The following SH3D19 variants were observed in gnomAD, a reference collection of about 807,000 sequenced individuals.
The protein encoded by SH3D19 is SH3 domain containing 19, also known as SH3 domain-containing protein 19.
SH3D19 carries 58 observed loss-of-function variants against 112.1 expected under a neutral mutation model. The ratio of observed to expected loss-of-function variants is 0.52; its 90% CI spans 0.42 to 0.64. The LOEUF is 0.64. SH3D19 is among the 30% of genes least tolerant of loss of function. The pLI is 0.00. For missense variants in SH3D19, 1,090 were observed against 1,263.4 expected, an observed-to-expected ratio of 0.86 and a Z score of 2.08; for synonymous variants, 391 against 448.5, an observed-to-expected ratio of 0.87 and a Z score of 1.62.
intron 1 of SH3D19, among the ~76,000 whole-genome samples, chr4:151,261,874 G>A (rs78929113): frequency 0.037 from 5,627 of 152,168 alleles, 316 homozygotes; most frequent in African/African-American, 0.13. Flanking sequence ...GTGGGTAGGT[G>A]GATAGGGGAA....
intron 2 of SH3D19, among the ~76,000 whole-genome samples, chr4:151,198,749 T>TA (rs1383855739): frequency 2.0e-5 from 3 of 152,014 alleles, no homozygotes; most frequent in Non-Finnish European, 2.9e-5. Flanking sequence ...AATTACCAAT[T>TA]AAAAAAACAT....
chr4:151,145,346 C>G (rs1452266460), intron 11 of SH3D19, among the ~76,000 whole-genome samples: 2 of 152,126 alleles, frequency 1.3e-5, no homozygotes, highest in Non-Finnish European at 2.9e-5. Context: ...GCTGAAGAAC[C>G]ACAAAAGATG....
In SH3D19 at chr4:151,175,479, T is replaced by C; in HGVS notation, c.725A>G (p.His242Arg). 2 of 1,481,354 alleles carry C rather than the reference T, an allele frequency of 1.4e-6. No homozygotes were observed. The highest frequency in any genetic ancestry group is 1.8e-6 in the Non-Finnish European group (2 of 1,120,350). 91.8% of individuals were successfully genotyped at this position (1,481,354 alleles called of 1,614,324 possible). Residue 242 changes from histidine to arginine, a missense_variant, in exon 7 of 20, where the codon CAC becomes CGC. His to Arg is a conservative substitution (Grantham distance 29). Coordinates refer to ENST00000604030, the MANE Select transcript of SH3D19 (RefSeq NM_001378122.1). ...TTTCTGTTGACTTTGCTCTTTAATG[T>C]GAGAATCTCTGGGTATTGGTCTGAG... ...SNLRPIPRDS[H>R]IKEQSQQKIS...
chr4:151,123,753 A>G (rs1371412111), intron 19 of SH3D19, among the ~76,000 whole-genome samples: 5 of 152,160 alleles, frequency 3.3e-5, no homozygotes, highest in Non-Finnish European at 5.9e-5. Flanking sequence ...TAGTTTCTAA[A>G]CATTTCTTAG....
At chr4:151,158,008 A>C (rs1756440124) in intron 9 of SH3D19, among the ~76,000 whole-genome samples, 2 of 152,152 alleles carry the variant, frequency 1.3e-5, no homozygotes, top group Non-Finnish European at 2.9e-5. Context: ...AGGAGGAATA[A>C]ATTCTAGTGT....
At position 151,277,106 on chromosome 4, in the gene SH3D19, A is replaced by G. The variant is rs1409861835; in HGVS notation, c.112+48135T>C. The G allele has an allele frequency of 4.0e-6, 5 of 1,247,540 alleles. No homozygotes were observed. In the African/African-American group the frequency reaches 6.1e-5, roughly 15 times the overall value. The allele number at this position is 1,247,540 out of a possible 1,614,324, so 77.3% of individuals were successfully genotyped here. ...GAGAAGCTAGTTCTGGCAGCTCCCCATTGGCCTCTTCCTGGGAGCCTGAGT... is the reference window on the plus strand; with the variant it reads ...GAGAAGCTAGTTCTGGCAGCTCCCCGTTGGCCTCTTCCTGGGAGCCTGAGT... On this transcript the variant is annotated intron_variant, in intron 1 of 19. Transcript: ENST00000604030.
rs528059311 is a variant in SH3D19 at position 151,120,721 on chromosome 4, G to A, written c.*1370C>T. The A allele has an allele frequency of 2.0e-5, 3 of 152,348 alleles. No individual in the cohort carries two copies. Among genetic ancestry groups the A allele is most frequent in the East Asian group, 1.9e-4 (1 of 5,180 alleles). 9.4% of individuals were successfully genotyped at this position (152,348 alleles called of 1,614,324 possible). ...TTGCAGAACTCCAGGTTGTAGTCAC[G>A]TAAAAGTGTGGCCACTTGTTGCTTA... On this transcript the variant is annotated 3_prime_UTR_variant, in exon 20 of 20. Coordinates refer to ENST00000604030, the MANE Select transcript of SH3D19 (RefSeq NM_001378122.1).
At chr4:151,158,713 A>T (rs1756611666) in intron 9 of SH3D19, among the ~76,000 whole-genome samples, 1 of 151,824 alleles carries the variant, frequency 6.6e-6, no homozygotes, top group Non-Finnish European at 1.5e-5. Flanking sequence ...AGTATTGAGG[A>T]TATTGAAGTT....
At chr4:151,280,063 C>A (rs189480739) in intron 1 of SH3D19, 2 of 1,309,256 alleles carry the variant, frequency 1.5e-6, no homozygotes, top group Non-Finnish European at 2.1e-6. Flanking sequence ...ATAGGCAGGG[C>A]GGAAGGAAAC....
At chr4:151,138,732 A>G (rs1011417067) in intron 13 of SH3D19, among the ~76,000 whole-genome samples, 2 of 149,762 alleles carry the variant, frequency 1.3e-5, no homozygotes, top group African/African-American at 5.0e-5. Flanking sequence ...ACACACACAC[A>G]CAAATTACTT....
At chr4:151,139,887 T>A (rs1180026508) in intron 12 of SH3D19, 40 bp from the exon 13 acceptor site, 2 of 1,597,392 alleles carry the variant, frequency 1.3e-6, no homozygotes, top group Non-Finnish European at 1.7e-6. Flanking sequence ...GTGTGCAGGA[T>A]AGATGGTGGA....
chr4:151,322,744 A>G (rs1034749869), intron 1 of SH3D19, among the ~76,000 whole-genome samples: 1 of 152,252 alleles, frequency 6.6e-6, no homozygotes, highest in African/African-American at 2.4e-5. Flanking sequence ...TCCTGTGCTC[A>G]GAACCTGCCT....
intron 18 of SH3D19, 68 bp from the exon 19 acceptor site, chr4:151,127,783 TA>T (rs1302626047): frequency 3.0e-5 from 28 of 933,886 alleles, no homozygotes; most frequent in South Asian, 1.3e-4. Context: ...TAACATTTTT[TA>T]AAAAAAAACG....
intron 2 of SH3D19, among the ~76,000 whole-genome samples, chr4:151,190,611 G>A (rs1484853558): frequency 6.6e-6 from 1 of 152,230 alleles, no homozygotes; most frequent in Non-Finnish European, 1.5e-5. Context: ...AGACTTGGCA[G>A]CTTCCATGTG....
At chr4:151,320,152 A>G (rs1029137228) in intron 1 of SH3D19, among the ~76,000 whole-genome samples, 1 of 152,228 alleles carries the variant, frequency 6.6e-6, no homozygotes. Context: ...ATTTTACTCA[A>G]AGCACAACAG....
intron 2 of SH3D19, among the ~76,000 whole-genome samples, chr4:151,201,013 T>C (rs1000912275): frequency 6.6e-6 from 1 of 152,246 alleles, no homozygotes; most frequent in African/African-American, 2.4e-5. Context: ...AGGTAAAGAA[T>C]TATGAATGAT....
intron 7 of SH3D19, among the ~76,000 whole-genome samples, chr4:151,167,141 C>A (rs1455833143): frequency 2.6e-5 from 4 of 151,496 alleles, no homozygotes; most frequent in South Asian, 2.1e-4. Context: ...GTTAAAAAAA[C>A]CAACTCAAGA....
At chr4:151,279,734 G>A in intron 1 of SH3D19, 1 of 1,494,194 alleles carries the variant, frequency 6.7e-7, no homozygotes, top group African/African-American at 1.4e-5. Flanking sequence ...ATGATGATAA[G>A]GTGGGGACCA....
In SH3D19 at chr4:151,280,897, A is replaced by G. The variant is rs1184532074; in HGVS notation, c.112+44344T>C. Among the ~76,000 whole-genome samples the G allele has an allele frequency of 3.3e-5, 5 of 152,242 alleles. No homozygotes were observed. In the East Asian group the frequency reaches 7.7e-4, roughly 23 times the overall value. Reference sequence around the variant, plus strand: ...TTAGAATTCTACCCATATGCAAACTATCAATCAAATGTGGGATAGAAGTAA... The same window carrying G: ...TTAGAATTCTACCCATATGCAAACTGTCAATCAAATGTGGGATAGAAGTAA... On this transcript the variant is annotated intron_variant, in intron 1 of 19. Coordinates refer to ENST00000604030, the MANE Select transcript of SH3D19 (RefSeq NM_001378122.1).
Sources: gnomAD v4.1 joint callset for allele counts (sites outside exome capture counted in the v4.1 genomes callset) on GRCh38, gnomAD v4.1.1 for gene constraint, MANE v1.5 for transcripts, NCBI Gene and HGNC (gene_info 2026-07-23, HGNC 2026-07-21) for gene names.